Variants in ZNF609 observed in about 807,000 individuals in gnomAD.
ZNF609 encodes the protein zinc finger protein 609.
A neutral mutation model predicts 109.5 loss-of-function variants in ZNF609; 11 were observed. That is an observed-to-expected ratio of 0.10 (90% CI 0.06 to 0.17). ZNF609 has a LOEUF of 0.17. ZNF609 is among the 10% of genes least tolerant of loss of function. The probability of loss-of-function intolerance (pLI) is 1.00; values close to 1 mark genes in which losing one functional copy is unlikely to be tolerated. For synonymous variants in ZNF609, 646 were observed against 662.0 expected (o/e 0.98, Z 0.37); for missense variants, 1,559 against 1,772.4 (o/e 0.88, Z 2.16).
At chr15:64,641,270 T>C (rs1264361001) in intron 3 of ZNF609, among the ~76,000 whole-genome samples, 3 of 117,440 alleles carry the variant, frequency 2.6e-5, no homozygotes, top group Non-Finnish European at 4.9e-5. Context: ...CAGGCTGGAG[T>C]GCAATGGCAT....
At chr15:64,531,125 A>G (rs1250398411) in intron 2 of ZNF609, among the ~76,000 whole-genome samples, 1 of 152,184 alleles carries the variant, frequency 6.6e-6, no homozygotes, top group Non-Finnish European at 1.5e-5. Flanking sequence ...GAAATGAGTC[A>G]TTTCCATTAC....
chr15:64,565,185 G>A (rs570803501), intron 2 of ZNF609, among the ~76,000 whole-genome samples: 10 of 145,600 alleles, frequency 6.9e-5, no homozygotes, highest in African/African-American at 7.8e-5. Flanking sequence ...TCAGCCTCTC[G>A]AGTAGCTGGG....
intron 3 of ZNF609, among the ~76,000 whole-genome samples, chr15:64,652,023 A>T (rs1434908156): frequency 6.6e-6 from 1 of 152,018 alleles, no homozygotes; most frequent in Non-Finnish European, 1.5e-5. Flanking sequence ...CTGAGAGCCC[A>T]GTTTACATTT....
chr15:64,577,774 G>A (rs1022535873), intron 2 of ZNF609, among the ~76,000 whole-genome samples: 6 of 150,938 alleles, frequency 4.0e-5, no homozygotes, highest in East Asian at 1.9e-4. Context: ...CAGGAGAATC[G>A]CTTGAACCCA....
chr15:64,464,940 A>G (rs1231533688), intron 1 of ZNF609, among the ~76,000 whole-genome samples: 1 of 152,204 alleles, frequency 6.6e-6, no homozygotes, highest in Non-Finnish European at 1.5e-5. Context: ...ACTTTGTTTC[A>G]CATTTCTTAA....
At chr15:64,546,477 T>C (rs115630057) in intron 2 of ZNF609, among the ~76,000 whole-genome samples, 2,671 of 150,032 alleles carry the variant, frequency 0.018, 81 homozygotes, top group African/African-American at 0.059. Flanking sequence ...CTGTCACCAG[T>C]GGTGACCAGT....
chr15:64,627,814 T>C (rs1189639584), intron 3 of ZNF609, among the ~76,000 whole-genome samples: 2 of 151,098 alleles, frequency 1.3e-5, no homozygotes, highest in Non-Finnish European at 3.0e-5. Flanking sequence ...ACTACAGGCA[T>C]GTGCCGCCGT....
intron 2 of ZNF609, among the ~76,000 whole-genome samples, chr15:64,554,054 A>T (rs1894533804): frequency 6.6e-6 from 1 of 152,042 alleles, no homozygotes; most frequent in Non-Finnish European, 1.5e-5. Context: ...TTCCATTTAG[A>T]TGCCTTTTAT....
chr15:64,587,307 A>G (rs948520838), intron 2 of ZNF609, among the ~76,000 whole-genome samples: 1 of 152,124 alleles, frequency 6.6e-6, no homozygotes, highest in Non-Finnish European at 1.5e-5. Context: ...CTTCCTTTAT[A>G]TAAGGAATGG....
At position 64,682,704 on chromosome 15, in the gene ZNF609, A is replaced by C. The variant is rs1350263307; in HGVS notation, c.*1018A>C. On this transcript the variant is annotated 3_prime_UTR_variant, in exon 10 of 10. Transcript: ENST00000326648. Reference sequence around the variant, plus strand: ...CACCTTAGGGCAAGGCCCAGAAGGCAGCCCCTGGGAGCACCCAGCAGTTCT... The same window carrying C: ...CACCTTAGGGCAAGGCCCAGAAGGCCGCCCCTGGGAGCACCCAGCAGTTCT... The C allele has an allele frequency of 6.6e-6, 1 of 152,534 alleles. No homozygotes were observed. Among genetic ancestry groups the C allele is most frequent in the East Asian group, 1.9e-4 (1 of 5,200 alleles). The allele number at this position is 152,534 out of a possible 1,614,324, so 9.4% of individuals were successfully genotyped here.
chr15:64,641,966 T>C (rs896934829), intron 3 of ZNF609, among the ~76,000 whole-genome samples: 3 of 152,154 alleles, frequency 2.0e-5, no homozygotes, highest in Admixed American at 6.5e-5. Context: ...CGTACGTAAT[T>C]TGACCCTTCC....
intron 2 of ZNF609, among the ~76,000 whole-genome samples, chr15:64,597,767 G>A (rs1378762985): frequency 6.6e-6 from 1 of 152,084 alleles, no homozygotes; most frequent in African/African-American, 2.4e-5. Flanking sequence ...CTCTAGGAAG[G>A]TCACAGAGAT....
intron 6 of ZNF609, 74 bp downstream of exon 6, chr15:64,678,556 T>C (rs1896839203): frequency 3.3e-6 from 5 of 1,514,116 alleles, no homozygotes; most frequent in South Asian, 1.3e-5. Context: ...ATCCAGAGTT[T>C]TCTTGCTCAG....
intron 2 of ZNF609, among the ~76,000 whole-genome samples, chr15:64,600,814 CTT>C (rs1327094938): frequency 1.3e-5 from 2 of 151,978 alleles, no homozygotes; most frequent in East Asian, 1.9e-4. Flanking sequence ...TTTATATAGT[CTT>C]TGTTATTTGG....
At chr15:64,528,757 G>T in intron 2 of ZNF609, 1 of 933,170 alleles carries the variant, frequency 1.1e-6, no homozygotes, top group Non-Finnish European at 1.7e-6. Flanking sequence ...GCTTGACAGA[G>T]TGGTCCTTGA....
chr15:64,485,636 A>G (rs1348338216), intron 1 of ZNF609, among the ~76,000 whole-genome samples: 1 of 151,712 alleles, frequency 6.6e-6, no homozygotes, highest in Non-Finnish European at 1.5e-5. Flanking sequence ...GACCCTGTCT[A>G]CAAAATTTTT....
chr15:64,631,845 C>T lies in ZNF609; in HGVS notation c.973+8793C>T, dbSNP rs1896086047. The T allele has an allele frequency of 4.8e-5, 8 of 166,046 alleles. No homozygotes were observed. The South Asian group carries it at 1.1e-3, about 23-fold the overall frequency. The allele number at this position is 166,046 out of a possible 1,614,324, so 10.3% of individuals were successfully genotyped here. ...AGGCATGAGCCACCACACCCGGCCA[C>T]AACTCTATATTTTCTAAGAGACCTA... On this transcript the variant is annotated intron_variant, in intron 3 of 9. Coordinates refer to ENST00000326648, the MANE Select transcript of ZNF609 (RefSeq NM_015042.2).
chr15:64,649,943 A>G (rs1389334161), intron 3 of ZNF609, among the ~76,000 whole-genome samples: 1 of 152,134 alleles, frequency 6.6e-6, no homozygotes, highest in Non-Finnish European at 1.5e-5. Context: ...ATAGAATAAT[A>G]TAGCAGTCAT....
At chr15:64,626,426 C>T (rs962344181) in intron 3 of ZNF609, among the ~76,000 whole-genome samples, 1 of 152,180 alleles carries the variant, frequency 6.6e-6, no homozygotes, top group East Asian at 1.9e-4. Flanking sequence ...CATACAGATA[C>T]TTTTTAAAAA....
Sources: allele counts gnomAD v4.1 joint callset (sites outside exome capture counted in the v4.1 genomes callset), GRCh38; gene constraint gnomAD v4.1.1; transcripts MANE v1.5; gene names NCBI Gene and HGNC (gene_info 2026-07-23, HGNC 2026-07-21).